The following FHOD3 variants were observed in gnomAD, a reference collection of about 807,000 sequenced individuals.
The protein encoded by FHOD3 is FH1/FH2 domain-containing protein 3.
In FHOD3, 90 loss-of-function variants were observed where a neutral mutation model predicts 173.0. The ratio of observed to expected loss-of-function variants is 0.52; its 90% CI spans 0.44 to 0.62. The LOEUF is 0.62. FHOD3 is among the 20% of genes least tolerant of loss of function. FHOD3 has a pLI of 0.00. For synonymous variants in FHOD3, 828 were observed against 823.0 expected (o/e 1.01, Z -0.10); for missense variants, 1,945 against 2,034.7 (o/e 0.96, Z 0.85).
intron 3 of FHOD3, among the ~76,000 whole-genome samples, chr18:36,454,751 T>A (rs1185473534): frequency 1.3e-5 from 2 of 152,080 alleles, no homozygotes; most frequent in African/African-American, 2.4e-5. Flanking sequence ...TTTTTAGCCT[T>A]ATGATTGATC....
At chr18:36,440,839 G>A (rs2051102637) in intron 3 of FHOD3, among the ~76,000 whole-genome samples, 1 of 152,060 alleles carries the variant, frequency 6.6e-6, no homozygotes, top group Non-Finnish European at 1.5e-5. Flanking sequence ...ATTCCTCTGA[G>A]GCTGGGCACT....
rs74434643 is a variant in FHOD3 at position 36,582,858 on chromosome 18, G to A, written c.606+6313G>A. Among the ~76,000 whole-genome samples, 1,391 of 152,220 alleles carry A rather than the reference G, an allele frequency of 9.1e-3. 21 individuals carry two copies. Among genetic ancestry groups the A allele is most frequent in the African/African-American group, 0.031 (1,285 of 41,530 alleles). On this transcript the variant is annotated intron_variant, in intron 6 of 28. Coordinates refer to ENST00000590592, the MANE Select transcript of FHOD3 (RefSeq NM_001281740.3). ...GAACCGGTAATCCACTAAGCCTTCC[G>A]GATTTTTGTCACACATTTTTATCTG... is the stretch of plus-strand genomic sequence containing the variant.
intron 27 of FHOD3, among the ~76,000 whole-genome samples, chr18:36,768,718 A>G (rs929537829): frequency 6.6e-6 from 1 of 152,200 alleles, no homozygotes; most frequent in African/African-American, 2.4e-5. Flanking sequence ...TAAAGGCTAG[A>G]TAATTCAAAG....
intron 16 of FHOD3, among the ~76,000 whole-genome samples, chr18:36,687,431 G>A (rs186734389): frequency 2.1e-4 from 32 of 152,204 alleles, no homozygotes; most frequent in African/African-American, 7.7e-4. Flanking sequence ...AATGACATAG[G>A]GCATATATTT....
intron 7 of FHOD3, among the ~76,000 whole-genome samples, chr18:36,598,520 G>C (rs7229111): frequency 6.6e-6 from 1 of 152,054 alleles, no homozygotes; most frequent in Non-Finnish European, 1.5e-5. Flanking sequence ...AGCGTAAGGA[G>C]TGATCAGTGT....
At chr18:36,396,047 GTATAATATCC>G (rs2048540376) in intron 3 of FHOD3, among the ~76,000 whole-genome samples, 1 of 152,114 alleles carries the variant, frequency 6.6e-6, no homozygotes, top group East Asian at 1.9e-4. Context: ...TTTTTGCCAT[GTATAATATCC>G]TTGGCCAACA....
intron 8 of FHOD3, among the ~76,000 whole-genome samples, chr18:36,609,755 A>C (rs1443445277): frequency 6.6e-6 from 1 of 151,938 alleles, no homozygotes; most frequent in Non-Finnish European, 1.5e-5. Context: ...GATTACAAGC[A>C]TGTGCCACCA....
At chr18:36,398,559 G>C (rs1385032896) in intron 3 of FHOD3, among the ~76,000 whole-genome samples, 1 of 152,198 alleles carries the variant, frequency 6.6e-6, no homozygotes, top group African/African-American at 2.4e-5. Context: ...GAGGGGAGTG[G>C]AGCTGTTGTG....
At chr18:36,307,650 C>T (rs2092138353) in intron 1 of FHOD3, among the ~76,000 whole-genome samples, 1 of 152,186 alleles carries the variant, frequency 6.6e-6, no homozygotes, top group Non-Finnish European at 1.5e-5. Context: ...TAGTTCCATG[C>T]AGCTGTCCAC....
At chr18:36,467,812 A>G (rs2053033474) in intron 3 of FHOD3, among the ~76,000 whole-genome samples, 1 of 152,132 alleles carries the variant, frequency 6.6e-6, no homozygotes, top group African/African-American at 2.4e-5. Context: ...TGTTTATTTA[A>G]CATTCAACCC....
At chr18:36,759,788 T>G (rs575205265) in intron 26 of FHOD3, among the ~76,000 whole-genome samples, 1 of 152,350 alleles carries the variant, frequency 6.6e-6, no homozygotes, top group East Asian at 1.9e-4. Flanking sequence ...TTGCCATGCC[T>G]GAGACACTGG....
chr18:36,471,760 CCA>C (rs2053298288), intron 3 of FHOD3, among the ~76,000 whole-genome samples: 1 of 152,188 alleles, frequency 6.6e-6, no homozygotes, highest in African/African-American at 2.4e-5. Flanking sequence ...GTCTGTCTAT[CCA>C]CAGAATAAGT....
At chr18:36,747,947 C>A (rs553764785) in intron 24 of FHOD3, among the ~76,000 whole-genome samples, 8 of 152,146 alleles carry the variant, frequency 5.3e-5, no homozygotes, top group Non-Finnish European at 1.0e-4. Flanking sequence ...CTCCTTCTTT[C>A]ACCTTCCTTA....
chr18:36,316,372 C>G (rs925248269), intron 1 of FHOD3, among the ~76,000 whole-genome samples: 3 of 152,152 alleles, frequency 2.0e-5, no homozygotes, highest in African/African-American at 7.2e-5. Flanking sequence ...TGGAGCTCCT[C>G]TAGAGGGTCT....
chr18:36,503,750 G>T (rs927185215), intron 4 of FHOD3, among the ~76,000 whole-genome samples: 1 of 152,132 alleles, frequency 6.6e-6, no homozygotes, highest in African/African-American at 2.4e-5. Context: ...CTCTCTTGTT[G>T]GTTCCATGTT....
At chr18:36,553,235 G>A (rs2057735976) in intron 5 of FHOD3, among the ~76,000 whole-genome samples, 1 of 152,122 alleles carries the variant, frequency 6.6e-6, no homozygotes, top group African/African-American at 2.4e-5. Context: ...ATTTTATTGA[G>A]GATTTTAGCA....
chr18:36,769,542 G>T (rs2150372743), intron 28 of FHOD3, 116 bp downstream of exon 28: 2 of 1,348,352 alleles, frequency 1.5e-6, no homozygotes, highest in African/African-American at 1.5e-5. Flanking sequence ...GGCTCCCAGA[G>T]TGCCTACTTG....
chr18:36,554,540 G>A (rs1029682959), intron 5 of FHOD3, among the ~76,000 whole-genome samples: 6 of 151,728 alleles, frequency 4.0e-5, no homozygotes, highest in Non-Finnish European at 7.4e-5. Context: ...TGTTAATGAC[G>A]AGTTAATGGG....
At chr18:36,583,805 AATTATTATT>A (rs112886691) in intron 6 of FHOD3, among the ~76,000 whole-genome samples, 3 of 151,096 alleles carry the variant, frequency 2.0e-5, no homozygotes, top group Non-Finnish European at 4.4e-5. Context: ...TTTATTGTTT[AATTATTATT>A]ATTATTATTA....
Sources: allele counts gnomAD v4.1 joint callset (sites outside exome capture counted in the v4.1 genomes callset), GRCh38; gene constraint gnomAD v4.1.1; transcripts MANE v1.5; gene names NCBI Gene and HGNC (gene_info 2026-07-23, HGNC 2026-07-21).